The following L3MBTL2 variants were observed in gnomAD, a reference collection of about 807,000 sequenced individuals.
The protein encoded by L3MBTL2 is lethal(3)malignant brain tumor-like protein 2.
L3MBTL2 carries 49 observed loss-of-function variants against 86.4 expected under a neutral mutation model. The ratio of observed to expected loss-of-function variants is 0.57; its 90% CI spans 0.45 to 0.72. The LOEUF (loss-of-function observed/expected upper bound fraction) is 0.72, where lower values mean the gene tolerates loss of function less well. Among genes scored for constraint, L3MBTL2 ranks in the 30% least tolerant of loss-of-function variants. The pLI, the probability that L3MBTL2 is intolerant of heterozygous loss-of-function variation, is 0.00. For synonymous variants in L3MBTL2, 336 were observed against 350.6 expected (o/e 0.96, Z 0.47); for missense variants, 755 against 923.7 (o/e 0.82, Z 2.37).
intron 8 of L3MBTL2, among the ~76,000 whole-genome samples, chr22:41,223,226 G>C (rs1480833175): frequency 3.3e-5 from 5 of 152,196 alleles, no homozygotes; most frequent in Admixed American, 2.0e-4. Context: ...TTCCTGGTGT[G>C]TTTGGAAATA....
Position 41,219,403 on chromosome 22 carries a change from T to A in L3MBTL2, c.601-16T>A, listed in dbSNP as rs769248688. 6.3e-7 allele frequency: 1 copy of A among 1,582,476 alleles called. No individual in the cohort carries two copies. Among genetic ancestry groups the A allele is most frequent in the Non-Finnish European group, 8.7e-7 (1 of 1,151,684 alleles). The stretch of plus-strand genomic sequence containing the variant: ...CAGTTAGCTCACTCTCTCGGTACAC[T>A]CTCATCGCCACACAGGTCCCACTCT... On this transcript the variant is annotated splice_polypyrimidine_tract_variant and intron_variant, in intron 5 of 16. Transcript: ENST00000216237.
chr22:41,207,271 T>C (rs2030308434), intron 1 of L3MBTL2, among the ~76,000 whole-genome samples: 1 of 141,308 alleles, frequency 7.1e-6, no homozygotes, highest in Admixed American at 7.8e-5. Flanking sequence ...TGAAACAGGG[T>C]TGCTCTCTGT....
intron 6 of L3MBTL2, among the ~76,000 whole-genome samples, chr22:41,219,796 C>G (rs1321365268): frequency 6.6e-6 from 1 of 152,158 alleles, no homozygotes; most frequent in Non-Finnish European, 1.5e-5. Flanking sequence ...GGCTGGAGTA[C>G]GGTGGCACGA....
intron 2 of L3MBTL2, among the ~76,000 whole-genome samples, chr22:41,211,317 C>T (rs766517370): frequency 6.6e-6 from 1 of 152,086 alleles, no homozygotes; most frequent in South Asian, 2.1e-4. Flanking sequence ...CCTTCCACCT[C>T]AGCCTCCTGA....
chr22:41,226,983 A>T, intron 13 of L3MBTL2, 106 bp from the exon 14 acceptor site: 1 of 999,880 alleles, frequency 1.0e-6, no homozygotes, highest in Non-Finnish European at 1.5e-6. Context: ...CAGCCATTCC[A>T]GTCCCCGCCC....
intron 15 of L3MBTL2, among the ~76,000 whole-genome samples, chr22:41,228,898 G>A (rs1454950924): frequency 6.6e-6 from 1 of 151,840 alleles, no homozygotes; most frequent in Non-Finnish European, 1.5e-5. Context: ...TATCCAGCAG[G>A]CAGAGGCTCT....
intron 8 of L3MBTL2, among the ~76,000 whole-genome samples, chr22:41,221,553 T>C (rs140614180): frequency 0.015 from 2,218 of 152,324 alleles, 29 homozygotes; most frequent in Non-Finnish European, 0.022. Context: ...TCCGGAACCT[T>C]ACCTTTGCTC....
At chr22:41,206,476 C>T (rs1364847867) in intron 1 of L3MBTL2, among the ~76,000 whole-genome samples, 2 of 152,114 alleles carry the variant, frequency 1.3e-5, no homozygotes, top group Non-Finnish European at 2.9e-5. Flanking sequence ...TGGTCTCTGT[C>T]ACCCTGCCTG....
At chr22:41,229,703 C>T (rs1268253287) in intron 16 of L3MBTL2, 47 bp downstream of exon 16, 1 of 1,612,460 alleles carries the variant, frequency 6.2e-7, no homozygotes, top group East Asian at 2.2e-5. Flanking sequence ...CTGCTCCGTG[C>T]TCAGAGACGA....
chr22:41,209,177 C>T (rs2030506138), intron 1 of L3MBTL2: 1 of 157,602 alleles, frequency 6.3e-6, no homozygotes, highest in African/African-American at 2.4e-5. Flanking sequence ...GATCTTGGCC[C>T]ACTACAACCT....
intron 1 of L3MBTL2, among the ~76,000 whole-genome samples, chr22:41,208,068 G>C (rs2030387840): frequency 6.6e-6 from 1 of 151,972 alleles, no homozygotes; most frequent in Non-Finnish European, 1.5e-5. Context: ...CTGGTCTTAA[G>C]TGATCCGCCC....
rs897174803 is a variant in L3MBTL2, at chr22:41,227,164, G to A, written c.1663G>A (p.Val555Met). 1.2e-6 allele frequency: 2 copies of A among 1,613,762 alleles called. No homozygotes were observed. The highest frequency in any genetic ancestry group is 1.7e-6 in the Non-Finnish European group (2 of 1,180,018). ...CCTGATGGAGCCCCGGCTCATCTGT[G>A]TGGCCACGGTGAAACGAGTGGTGCA... ...VDLMEPRLIC[V>M]ATVKRVVHRL... Residue 555 changes from valine to methionine, a missense_variant, in exon 14 of 17, where the codon GTG (valine) becomes ATG (methionine). By Grantham distance (21) the Val-to-Met change is conservative. Around this residue, in one of 3 missense-constraint regions of L3MBTL2, gnomAD observed 634 missense variants for 748.9 expected, o/e 0.85. Coordinates refer to ENST00000216237, the MANE Select transcript of L3MBTL2 (RefSeq NM_031488.5). This position sits in a 1 kb window ranked among gnomAD's most constrained non-coding sequence, Gnocchi z 6.0.
intron 5 of L3MBTL2, chr22:41,217,461 T>C (rs966750578): frequency 2.2e-6 from 1 of 465,064 alleles, no homozygotes; most frequent in Non-Finnish European, 3.9e-6. Context: ...TGCTAGCTGA[T>C]GTCGAAGGGT....
intron 2 of L3MBTL2, among the ~76,000 whole-genome samples, chr22:41,213,338 T>A (rs893003231): frequency 6.7e-6 from 1 of 149,262 alleles, no homozygotes; most frequent in African/African-American, 2.6e-5. Context: ...TTTTCGCTTT[T>A]TTTTGAGACA....
Position 41,230,563 on chromosome 22 carries a change from T to C in L3MBTL2, c.*312T>C. 5.5e-6 allele frequency: 2 copies of C among 364,714 alleles called. No homozygotes were observed. The highest frequency in any genetic ancestry group is 1.0e-5 in the Non-Finnish European group (2 of 198,030). The allele number at this position is 364,714 out of a possible 1,614,324, so 22.6% of individuals were successfully genotyped here. ...CTGCCTGCTCTTCCTTAAGATGGCC[T>C]CCCCCCGACCCGCCACGGCCCTCAG... On this transcript the variant is annotated 3_prime_UTR_variant, in exon 17 of 17. Transcript: ENST00000216237.
intron 8 of L3MBTL2, 93 bp downstream of exon 8, chr22:41,221,380 C>A: frequency 9.6e-7 from 1 of 1,046,898 alleles, no homozygotes; most frequent in Non-Finnish European, 1.4e-6. Context: ...TACCTAAGAC[C>A]CCTTGCCTGA....
Position 41,230,367 on chromosome 22 carries a change from T to C in L3MBTL2, c.*116T>C. The C allele has an allele frequency of 1.3e-6, 1 of 764,612 alleles. No individual in the cohort carries two copies. The highest frequency in any genetic ancestry group is 2.2e-6 in the Non-Finnish European group (1 of 452,284). The allele number at this position is 764,612 out of a possible 1,614,324, so 47.4% of individuals were successfully genotyped here. ...AGACTGATCCTCTCTGTGTAAATTC[T>C]GCCCGGTGCTGTGAAGGCTGGACGG... is the stretch of plus-strand genomic sequence containing the variant. On this transcript the variant is annotated 3_prime_UTR_variant, in exon 17 of 17. Coordinates refer to ENST00000216237, the MANE Select transcript of L3MBTL2 (RefSeq NM_031488.5).
At chr22:41,207,051 C>T (rs889109954) in intron 1 of L3MBTL2, among the ~76,000 whole-genome samples, 2 of 152,154 alleles carry the variant, frequency 1.3e-5, no homozygotes, top group East Asian at 1.9e-4. Flanking sequence ...ATGATGACAG[C>T]AGCAAGATAA....
At position 41,205,340 on chromosome 22, in the gene L3MBTL2, A is replaced by G. The variant is rs764231917; in HGVS notation, c.-23A>G. 2 of 1,614,070 alleles carry G rather than the reference A, an allele frequency of 1.2e-6. No individual in the cohort carries two copies. The highest frequency in any genetic ancestry group is 8.5e-7 in the Non-Finnish European group (1 of 1,180,000). ...CCAATATGGCTTCCTGCACCTGGTG[A>G]CGCTTGGCGAAACTGAGGTCTCATG... On this transcript the variant is annotated 5_prime_UTR_variant, in exon 1 of 17. An upstream open reading frame in the 5' UTR loses its in-frame stop. Transcript: ENST00000216237.
Sources: allele counts gnomAD v4.1 joint callset (sites outside exome capture counted in the v4.1 genomes callset), GRCh38; gene constraint gnomAD v4.1.1; regional missense constraint gnomAD v4.1.1; non-coding constraint Gnocchi (gnomAD v3.1); transcripts MANE v1.5; gene names NCBI Gene and HGNC (gene_info 2026-07-23, HGNC 2026-07-21).